Variants in NEO1 observed in about 807,000 individuals in gnomAD.
NEO1 encodes neogenin.
In NEO1, 63 loss-of-function variants were observed where a neutral mutation model predicts 159.7. The observed-to-expected ratio is 0.39, with a 90% CI of 0.32 to 0.49. The LOEUF (loss-of-function observed/expected upper bound fraction) is 0.49, where lower values mean the gene tolerates loss of function less well. NEO1 is among the 20% of genes least tolerant of loss of function. The pLI is 0.85. For synonymous variants in NEO1, 633 were observed against 662.0 expected (o/e 0.96, Z 0.67); for missense variants, 1,615 against 1,831.0 (o/e 0.88, Z 2.15).
chr15:73,105,854 T>C (rs920017805), intron 1 of NEO1, among the ~76,000 whole-genome samples: 1 of 152,202 alleles, frequency 6.6e-6, no homozygotes, highest in African/African-American at 2.4e-5. Flanking sequence ...CTACTGTTAA[T>C]AATGAATTTG....
At chr15:73,148,298 T>G (rs188055208) in intron 5 of NEO1, among the ~76,000 whole-genome samples, 6 of 152,324 alleles carry the variant, frequency 3.9e-5, no homozygotes, top group Admixed American at 6.5e-5. Context: ...TTAAACTTCA[T>G]TTAAGAAATT....
intron 7 of NEO1, among the ~76,000 whole-genome samples, chr15:73,201,617 AT>A (rs1178747525): frequency 3.3e-5 from 5 of 151,772 alleles, no homozygotes; most frequent in South Asian, 4.2e-4. Flanking sequence ...ATACTTAGTA[AT>A]TTTTTTTCCT....
chr15:73,176,637 C>A, intron 6 of NEO1, 80 bp downstream of exon 6: 1 of 1,039,272 alleles, frequency 9.6e-7, no homozygotes, highest in Non-Finnish European at 1.4e-6. Flanking sequence ...GATCAGTTAT[C>A]TTATATATAC....
intron 28 of NEO1, among the ~76,000 whole-genome samples, chr15:73,301,958 C>A (rs1406095548): frequency 1.3e-5 from 2 of 152,226 alleles, no homozygotes; most frequent in African/African-American, 2.4e-5. Flanking sequence ...CGTGAGCCAC[C>A]ACGCTCGGCC....
intron 1 of NEO1, among the ~76,000 whole-genome samples, chr15:73,103,849 T>C (rs939462389): frequency 5.3e-5 from 8 of 152,124 alleles, no homozygotes; most frequent in Non-Finnish European, 1.0e-4. Flanking sequence ...TTTGAAAGAA[T>C]GTGTAAATTA....
chr15:73,162,696 C>T (rs2151893648), intron 5 of NEO1: 1 of 165,040 alleles, frequency 6.1e-6, no homozygotes, highest in South Asian at 1.4e-4. Context: ...TCATGCCTGG[C>T]CAGTTGCCAG....
chr15:73,090,356 A>G (rs1263073678), intron 1 of NEO1, among the ~76,000 whole-genome samples: 3 of 152,002 alleles, frequency 2.0e-5, no homozygotes, highest in African/African-American at 7.3e-5. Flanking sequence ...TGCCAAGCCT[A>G]TTACTCCATG....
Position 73,260,482 on chromosome 15 carries a change from G to GACT in NEO1, c.2398+18_2398+19insCTA, listed in dbSNP as rs2040572959. The GACT allele has an allele frequency of 1.9e-6, 3 of 1,543,764 alleles. No individual in the cohort carries two copies. Among genetic ancestry groups the GACT allele is most frequent in the African/African-American group, 1.4e-5 (1 of 73,856 alleles). On this transcript the variant is annotated intron_variant, in intron 15 of 28. Transcript: ENST00000261908. ...AAAATCTGGGTATGTTTGCTAAGTAGAGAAAGTTAATTGTGTGGGAGATTC... is the reference window on the plus strand; with the variant it reads ...AAAATCTGGGTATGTTTGCTAAGTAGACTAGAAAGTTAATTGTGTGGGAGATTC...
intron 7 of NEO1, among the ~76,000 whole-genome samples, chr15:73,230,554 C>T (rs1268548575): frequency 6.6e-6 from 1 of 152,140 alleles, no homozygotes; most frequent in Non-Finnish European, 1.5e-5. Flanking sequence ...TAGCTGCATC[C>T]TGTAATTTTT....
At chr15:73,108,195 A>G (rs1487506803) in intron 1 of NEO1, among the ~76,000 whole-genome samples, 2 of 152,226 alleles carry the variant, frequency 1.3e-5, no homozygotes, top group East Asian at 3.8e-4. Context: ...AAGACTGTTT[A>G]TTATTAATGG....
At chr15:73,185,209 C>A (rs137923318) in intron 7 of NEO1, among the ~76,000 whole-genome samples, 8 of 152,136 alleles carry the variant, frequency 5.3e-5, no homozygotes, top group African/African-American at 1.7e-4. Flanking sequence ...GGGGAGGATA[C>A]GTGTCATAAA....
intron 5 of NEO1, among the ~76,000 whole-genome samples, chr15:73,164,760 A>G (rs138660886): frequency 1.5e-3 from 234 of 152,356 alleles, no homozygotes; most frequent in African/African-American, 5.4e-3. Flanking sequence ...TAGTAGAAAA[A>G]TGAAAAGTAA....
intron 16 of NEO1, among the ~76,000 whole-genome samples, chr15:73,267,684 C>G (rs1288356865): frequency 6.6e-6 from 1 of 151,556 alleles, no homozygotes; most frequent in Non-Finnish European, 1.5e-5. Flanking sequence ...TGATGGTTTC[C>G]AGCTTCATCC....
At chr15:73,297,974 A>G (rs897559211) in intron 26 of NEO1, among the ~76,000 whole-genome samples, 2 of 152,240 alleles carry the variant, frequency 1.3e-5, no homozygotes, top group Non-Finnish European at 2.9e-5. Flanking sequence ...ATGGTTGTCT[A>G]TGAAAGGCCA....
intron 1 of NEO1, among the ~76,000 whole-genome samples, chr15:73,102,946 C>G (rs974152769): frequency 6.6e-6 from 1 of 152,174 alleles, no homozygotes; most frequent in Non-Finnish European, 1.5e-5. Flanking sequence ...ATTTAGCCAT[C>G]GTCCAAGCTA....
rs76320078 is a variant in NEO1, at chr15:73,230,270, A to C, written c.1292-6077A>C. Among the ~76,000 whole-genome samples the C allele has an allele frequency of 8.6e-3, 1,306 of 152,194 alleles. 23 individuals carry two copies. The highest frequency in any genetic ancestry group is 0.03 in the African/African-American group (1,234 of 41,510). On this transcript the variant is annotated intron_variant, in intron 7 of 28. Coordinates refer to ENST00000261908, the MANE Select transcript of NEO1 (RefSeq NM_002499.4). ...CATGTTTTTTCTTGATAGATTTGGC[A>C]GTTTATGTTCTTCTAAGAATTTTTC...
chr15:73,225,288 C>T (rs8024575), intron 7 of NEO1, among the ~76,000 whole-genome samples: 61,096 of 151,872 alleles, frequency 0.4, 13,819 homozygotes, highest in Admixed American at 0.51. Flanking sequence ...GCCCTCCTGC[C>T]GGGAGTTTGT....
intron 20 of NEO1, 30 bp downstream of exon 20, chr15:73,274,035 G>A (rs2041293440): frequency 8.1e-6 from 13 of 1,601,360 alleles, no homozygotes; most frequent in East Asian, 2.2e-5. Flanking sequence ...GGGTTTTGTT[G>A]TGTGTCTCTT....
chr15:73,145,330 C>T (rs2032797643), intron 5 of NEO1, among the ~76,000 whole-genome samples: 1 of 152,138 alleles, frequency 6.6e-6, no homozygotes, highest in African/African-American at 2.4e-5. Context: ...TCATACACTG[C>T]TGGTAGTGGT....
Sources: gnomAD v4.1 joint callset for allele counts (sites outside exome capture counted in the v4.1 genomes callset) on GRCh38, gnomAD v4.1.1 for gene constraint, MANE v1.5 for transcripts, NCBI Gene and HGNC (gene_info 2026-07-23, HGNC 2026-07-21) for gene names.